The following SDK1 variants were observed in gnomAD, a reference collection of about 807,000 sequenced individuals.
SDK1 encodes sidekick cell adhesion molecule 1, also known as protein sidekick-1.
Under a neutral mutation model 245.5 loss-of-function variants are expected in SDK1, and 157 were observed. The ratio of observed to expected loss-of-function variants is 0.64; its 90% CI spans 0.56 to 0.73. The LOEUF is 0.73. Among genes scored for constraint, SDK1 ranks in the 30% least tolerant of loss-of-function variants. The pLI, the probability that SDK1 is intolerant of heterozygous loss-of-function variation, is 0.00. For missense variants in SDK1, 3,583 were observed against 3,002.3 expected, an observed-to-expected ratio of 1.19 and a Z score of -4.52; for synonymous variants, 1,647 against 1,278.5, an observed-to-expected ratio of 1.29 and a Z score of -6.15.
rs144911796 is a variant in SDK1 at position 4,073,132 on chromosome 7, G to A, written c.3011-3866G>A. Among the ~76,000 whole-genome samples, 26 of 152,272 alleles carry A rather than the reference G, an allele frequency of 1.7e-4. No individual in the cohort carries two copies. The East Asian group carries it at 4.3e-3, about 25-fold the overall frequency. On this transcript the variant is annotated intron_variant, in intron 20 of 44. Coordinates refer to ENST00000404826, the MANE Select transcript of SDK1 (RefSeq NM_152744.4). ...ATTGGGAGCAGGTAGGATGCCAAGC[G>A]GGAGGTACCCCCGCTCCTGGCTCCG...
intron 1 of SDK1, among the ~76,000 whole-genome samples, chr7:3,435,321 C>CTTTTTTTTTTTTTTTTTTTTTTTTTTTT (rs71029672): frequency 7.0e-5 from 4 of 56,878 alleles, no homozygotes; most frequent in African/African-American, 3.6e-4. Flanking sequence ...AGGGGACTGC[C>CTTTTTTTTTTTTTTTTTTTTTTTTTTTT]TTTTTTTTTT....
intron 10 of SDK1, among the ~76,000 whole-genome samples, chr7:3,968,729 C>G (rs2128132012): frequency 6.6e-6 from 1 of 152,318 alleles, no homozygotes; most frequent in South Asian, 2.1e-4. Context: ...TTTTGTTATT[C>G]TAAACAGTGC....
At chr7:3,843,378 T>A (rs1562484420) in intron 5 of SDK1, among the ~76,000 whole-genome samples, 1 of 152,216 alleles carries the variant, frequency 6.6e-6, no homozygotes, top group Non-Finnish European at 1.5e-5. Context: ...GGGATATGAT[T>A]TATTAACTTT....
chr7:4,060,716 C>A (rs1037400587), intron 19 of SDK1, among the ~76,000 whole-genome samples: 1 of 152,172 alleles, frequency 6.6e-6, no homozygotes, highest in South Asian at 2.1e-4. Flanking sequence ...AGTCCTTGCC[C>A]ATGCCTATGT....
At chr7:3,558,410 A>T (rs1779653438) in intron 1 of SDK1, among the ~76,000 whole-genome samples, 1 of 152,352 alleles carries the variant, frequency 6.6e-6, no homozygotes, top group Non-Finnish European at 1.5e-5. Context: ...TTCTTTGACC[A>T]GTCCTGCAGT....
Position 3,958,998 on chromosome 7 carries a change from C to A in SDK1, c.1218C>A (p.Ile406=). ...ISAEVEETVD[I]GCQAMGVPLP... ...CTGAAGTAGAAGAAACTGTGGACAT[C>A]GGATGTCAAGCCATGGGTGAGTGCA... The change falls in exon 8 of 45, where the codon ATC becomes ATA. Residue 406 remains isoleucine, a synonymous_variant. Coordinates refer to ENST00000404826, the MANE Select transcript of SDK1 (RefSeq NM_152744.4). 3.7e-6 allele frequency: 6 copies of A among 1,613,614 alleles called. No homozygotes were observed. Among genetic ancestry groups the A allele is most frequent in the Non-Finnish European group, 5.1e-6 (6 of 1,179,626 alleles).
intron 1 of SDK1, among the ~76,000 whole-genome samples, chr7:3,413,701 A>G (rs73298402): frequency 0.019 from 2,954 of 151,868 alleles, 105 homozygotes; most frequent in African/African-American, 0.068. Flanking sequence ...AAACAAATAA[A>G]TAAATAACTA....
chr7:4,082,735 C>T (rs1446363341), intron 22 of SDK1, among the ~76,000 whole-genome samples: 1 of 152,036 alleles, frequency 6.6e-6, no homozygotes, highest in African/African-American at 2.4e-5. Context: ...ATCCTCTCAT[C>T]TCAGCCTCCT....
chr7:3,677,771 C>T (rs1029818587), intron 4 of SDK1, among the ~76,000 whole-genome samples: 1 of 152,116 alleles, frequency 6.6e-6, no homozygotes, highest in African/African-American at 2.4e-5. Flanking sequence ...GTAAACAAGA[C>T]AGTGTGGTAT....
chr7:4,211,489 G>A (rs573557981), intron 38 of SDK1, among the ~76,000 whole-genome samples: 1 of 152,252 alleles, frequency 6.6e-6, no homozygotes, highest in East Asian at 1.9e-4. Context: ...AGCTGGTGGG[G>A]TACTGGCGTG....
At chr7:3,676,599 A>C (rs1021700844) in intron 4 of SDK1, among the ~76,000 whole-genome samples, 2 of 152,214 alleles carry the variant, frequency 1.3e-5, no homozygotes, top group Admixed American at 6.5e-5. Flanking sequence ...TGCTGGGATT[A>C]CAGGCGTGAG....
rs140539902 is a variant in SDK1, at chr7:3,539,208, C to G, written c.299-79872C>G. Among the ~76,000 whole-genome samples the G allele has an allele frequency of 2.6e-3, 389 of 152,280 alleles. 2 individuals carry two copies. The highest frequency in any genetic ancestry group is 8.9e-3 in the African/African-American group (370 of 41,574). ...GGGAGATGGAGGCCAGGGGATCTCA[C>G]TTGGACCTATCAAGGAGTTGGAGCA... On this transcript the variant is annotated intron_variant, in intron 1 of 44. Transcript: ENST00000404826.
chr7:3,378,083 ACT>A (rs1479015241), intron 1 of SDK1, among the ~76,000 whole-genome samples: 2 of 151,820 alleles, frequency 1.3e-5, no homozygotes, highest in African/African-American at 2.4e-5. Context: ...CGGCCCCCAA[ACT>A]CTATTTTTAA....
At chr7:4,208,342 C>T (rs188800774) in intron 37 of SDK1, 57 bp downstream of exon 37, 32 of 1,527,630 alleles carry the variant, frequency 2.1e-5, no homozygotes, top group Middle Eastern at 4.7e-4. Flanking sequence ...GTTTTGAGAG[C>T]GCCAGCTCAG....
chr7:3,655,302 G>C lies in SDK1; in HGVS notation c.713+13197G>C, dbSNP rs536819334. ...TACAAAATTAGCCAGACGTGGTGGCGGGTGCTTGTAATCCCAGCTACTCGG... is the reference window on the plus strand; with the variant it reads ...TACAAAATTAGCCAGACGTGGTGGCCGGTGCTTGTAATCCCAGCTACTCGG... On this transcript the variant is annotated intron_variant, in intron 4 of 44. Coordinates refer to ENST00000404826, the MANE Select transcript of SDK1 (RefSeq NM_152744.4). Among the ~76,000 whole-genome samples, 3 of 150,622 alleles carry C rather than the reference G, an allele frequency of 2.0e-5. No homozygotes were observed. The South Asian group carries it at 6.3e-4, about 32-fold the overall frequency.
chr7:4,061,488 G>GC (rs1366679348), intron 19 of SDK1, among the ~76,000 whole-genome samples: 6 of 152,058 alleles, frequency 3.9e-5, no homozygotes, highest in Non-Finnish European at 5.9e-5. Context: ...AACAACAGGT[G>GC]CTGGAGAGGA....
At chr7:3,494,334 C>A (rs1277589090) in intron 1 of SDK1, among the ~76,000 whole-genome samples, 1 of 152,076 alleles carries the variant, frequency 6.6e-6, no homozygotes, top group Non-Finnish European at 1.5e-5. Context: ...TACGGGTATC[C>A]TACCTGGAAC....
chr7:4,142,398 G>A (rs1015281075), intron 28 of SDK1, among the ~76,000 whole-genome samples: 5 of 151,918 alleles, frequency 3.3e-5, no homozygotes, highest in African/African-American at 1.2e-4. Flanking sequence ...ACGTGATCTC[G>A]GCTCACCGCA....
At chr7:3,917,760 C>G (rs1211344346) in intron 5 of SDK1, among the ~76,000 whole-genome samples, 1 of 152,204 alleles carries the variant, frequency 6.6e-6, no homozygotes, top group Non-Finnish European at 1.5e-5. Flanking sequence ...AATTTCATTT[C>G]TGACAGGCTT....
Sources: gnomAD v4.1 joint callset for allele counts (sites outside exome capture counted in the v4.1 genomes callset) on GRCh38, gnomAD v4.1.1 for gene constraint, MANE v1.5 for transcripts, NCBI Gene and HGNC (gene_info 2026-07-23, HGNC 2026-07-21) for gene names.